Variants in ZNF334 observed in about 807,000 individuals in gnomAD.
ZNF334 encodes the protein zinc finger protein 334.
A neutral mutation model predicts 12.4 loss-of-function variants in ZNF334; 14 were observed. That is an observed-to-expected ratio of 1.13 (90% CI 0.74 to 1.76). The LOEUF is 1.76. ZNF334 is among the 40% of genes most tolerant of loss of function. The pLI is 0.00. For synonymous variants in ZNF334, 273 were observed against 269.6 expected (o/e 1.01, Z -0.12); for missense variants, 797 against 804.5 (o/e 0.99, Z 0.11).
Position 46,501,625 on chromosome 20 carries a change from A to C in ZNF334, c.1714T>G (p.Tyr572Asp). Residue 572 changes from tyrosine to aspartate, a missense_variant, in exon 5 of 5, where the codon TAT (tyrosine) becomes GAT (aspartate). Tyr to Asp is a radical substitution (Grantham distance 160). Coordinates refer to ENST00000692313, the MANE Select transcript of ZNF334 (RefSeq NM_001353824.2). Reference sequence around the variant, plus strand: ...GTTTTCCCACATTCATTACACTCATAGGGTCTCTGTCCTGTGTGTGTTCTC... The same window carrying C: ...GTTTTCCCACATTCATTACACTCATCGGGTCTCTGTCCTGTGTGTGTTCTC... ...HQRTHTGQRP[Y>D]ECNECGKTFC... 1 of 1,614,128 alleles carries C rather than the reference A, an allele frequency of 6.2e-7. No individual in the cohort carries two copies. The highest frequency in any genetic ancestry group is 8.5e-7 in the Non-Finnish European group (1 of 1,180,006).
At chr20:46,481,402 C>A in the ZNF334 span, 3,175 of 152,372 alleles carry the variant, frequency 0.021, 51 homozygotes, top group Middle Eastern at 0.041. Context: ...ATTCATTCAA[C>A]AAACTGCTCA....
chr20:46,497,878 C>T (rs1601001654), downstream of ZNF334, among the ~76,000 whole-genome samples: 1 of 152,372 alleles, frequency 6.6e-6, no homozygotes, highest in Non-Finnish European at 1.5e-5. Context: ...TGACCATTGC[C>T]TATTTTCTTA....
chr20:46,483,718 C>G, the ZNF334 span, among the ~76,000 whole-genome samples: 1 of 152,266 alleles, frequency 6.6e-6, no homozygotes, highest in South Asian at 2.1e-4. Context: ...TTCATCTGTG[C>G]TGATGACATT....
chr20:46,508,501 A>G (rs1389399695), intron 2 of ZNF334, among the ~76,000 whole-genome samples: 1 of 152,252 alleles, frequency 6.6e-6, no homozygotes, highest in Non-Finnish European at 1.5e-5. Context: ...TAGAAAGTCA[A>G]GGAGCAAACA....
intron 4 of ZNF334, among the ~76,000 whole-genome samples, chr20:46,503,312 C>A (rs577579609): frequency 1.3e-5 from 2 of 152,300 alleles, no homozygotes; most frequent in East Asian, 3.9e-4. Context: ...ATACCAGCCA[C>A]TATTTAACAG....
At chr20:46,489,890 G>A in the ZNF334 span, among the ~76,000 whole-genome samples, 4 of 152,114 alleles carry the variant, frequency 2.6e-5, no homozygotes, top group African/African-American at 9.6e-5. Flanking sequence ...TCTTATCAGT[G>A]GCAGATTTTT....
At chr20:46,481,155 T>G in the ZNF334 span, 10 of 152,132 alleles carry the variant, frequency 6.6e-5, no homozygotes, top group Non-Finnish European at 1.3e-4. Flanking sequence ...GCTCGGTCAT[T>G]TCTAGAGGTG....
At chr20:46,504,879 A>T in intron 2 of ZNF334, 139 bp from the exon 3 acceptor site, 1 of 664,282 alleles carries the variant, frequency 1.5e-6, no homozygotes, top group Non-Finnish European at 2.4e-6. Context: ...GAAAATTAAA[A>T]ATCTGTCACT....
chr20:46,474,298 G>A, the ZNF334 span, among the ~76,000 whole-genome samples: 16 of 151,944 alleles, frequency 1.1e-4, no homozygotes, highest in South Asian at 2.3e-3. Context: ...ACTTGAACCC[G>A]GGAGGTGGGA....
the ZNF334 span, chr20:46,491,288 C>T: frequency 6.5e-6 from 1 of 152,742 alleles, no homozygotes; most frequent in Admixed American, 6.5e-5. Flanking sequence ...CCTGACTCGG[C>T]ATCAAAAAAC....
the ZNF334 span, among the ~76,000 whole-genome samples, chr20:46,472,447 T>A: frequency 6.6e-6 from 1 of 152,180 alleles, no homozygotes; most frequent in East Asian, 1.9e-4. Flanking sequence ...GAGGTTAACA[T>A]TTTAGACTGA....
the ZNF334 span, among the ~76,000 whole-genome samples, chr20:46,478,104 A>C: frequency 6.6e-6 from 1 of 152,108 alleles, no homozygotes; most frequent in Admixed American, 6.5e-5. Flanking sequence ...ATTTTGTCTC[A>C]GAATTATAGT....
At chr20:46,467,941 C>A in the ZNF334 span, among the ~76,000 whole-genome samples, 1 of 152,176 alleles carries the variant, frequency 6.6e-6, no homozygotes, top group African/African-American at 2.4e-5. Flanking sequence ...GTTTTTAATG[C>A]TAAAGTGATA....
chr20:46,512,851 C>G lies in ZNF334; in HGVS notation c.-350G>C, dbSNP rs558215618. 1 of 152,080 alleles carries G rather than the reference C, an allele frequency of 6.6e-6. No individual in the cohort carries two copies. Among genetic ancestry groups the G allele is most frequent in the Non-Finnish European group, 1.5e-5 (1 of 68,016 alleles). 9.4% of individuals were successfully genotyped at this position (152,080 alleles called of 1,614,324 possible). A position where few individuals can be genotyped will look rare whatever the true frequency, so the allele number is the denominator to read the frequency against. On this transcript the variant is annotated 5_prime_UTR_variant, in exon 1 of 5. Transcript: ENST00000692313. ...AAATTGGTTTTTAGTCTTTCCTTTA[C>G]CCCTATCGTGTAGCTCTGTAAGGGG...
At chr20:46,484,183 TC>T in the ZNF334 span, among the ~76,000 whole-genome samples, 1 of 152,118 alleles carries the variant, frequency 6.6e-6, no homozygotes, top group Non-Finnish European at 1.5e-5. Flanking sequence ...TTGGTCATAA[TC>T]CCACAGATGG....
chr20:46,480,570 T>C, the ZNF334 span, among the ~76,000 whole-genome samples: 1 of 152,032 alleles, frequency 6.6e-6, no homozygotes, highest in East Asian at 1.9e-4. Flanking sequence ...ATAGGAGGCA[T>C]GAATAAAGAG....
the ZNF334 span, among the ~76,000 whole-genome samples, chr20:46,489,694 C>A: frequency 1.3e-5 from 2 of 150,880 alleles, no homozygotes; most frequent in Non-Finnish European, 3.0e-5. Context: ...ATCTTCAAAC[C>A]AACTGTTCCC....
chr20:46,475,565 A>C, the ZNF334 span, among the ~76,000 whole-genome samples: 1 of 152,056 alleles, frequency 6.6e-6, no homozygotes, highest in Admixed American at 6.5e-5. Context: ...GACCTCTCGA[A>C]ACTCAACAGC....
At chr20:46,464,050 T>C in the ZNF334 span, 1 of 633,430 alleles carries the variant, frequency 1.6e-6, no homozygotes, top group Non-Finnish European at 3.1e-6. Flanking sequence ...GTCAAAGGGG[T>C]CATTGTTCTC....
Sources: allele counts gnomAD v4.1 joint callset (sites outside exome capture counted in the v4.1 genomes callset), GRCh38; gene constraint gnomAD v4.1.1; transcripts MANE v1.5; gene names NCBI Gene and HGNC (gene_info 2026-07-23, HGNC 2026-07-21).